Variants in ARHGAP15 observed in about 807,000 individuals in gnomAD.
The protein encoded by ARHGAP15 is rho GTPase-activating protein 15.
Under a neutral mutation model 63.7 loss-of-function variants are expected in ARHGAP15, and 51 were observed. The ratio of observed to expected loss-of-function variants is 0.80; its 90% confidence interval spans 0.64 to 1.01. The LOEUF (loss-of-function observed/expected upper bound fraction) is 1.01, where lower values mean the gene tolerates loss of function less well. Among genes scored for constraint, ARHGAP15 ranks in the 50% least tolerant of loss-of-function variants. The probability of loss-of-function intolerance (pLI) is 0.00; values close to 1 mark genes in which losing one functional copy is unlikely to be tolerated. For missense variants in ARHGAP15, 560 were observed against 564.6 expected, an observed-to-expected ratio of 0.99 and a Z score of 0.08; for synonymous variants, 191 against 193.8, an observed-to-expected ratio of 0.99 and a Z score of 0.12.
Position 143,317,785 on chromosome 2 carries a change from C to T in ARHGAP15, c.474+67185C>T, listed in dbSNP as rs536522793. 1.8e-4 allele frequency among the ~76,000 whole-genome samples: 27 copies of T among 152,186 alleles called. 1 individual carries two copies. Among genetic ancestry groups the T allele is most frequent in the African/African-American group, 6.0e-4 (25 of 41,520 alleles). ...CAGGATGGACTGGATTAAGAGGCTGCAAAGACAGATAACTGGTTAGGAGAT... is the reference window on the plus strand; with the variant it reads ...CAGGATGGACTGGATTAAGAGGCTGTAAAGACAGATAACTGGTTAGGAGAT... On this transcript the variant is annotated intron_variant, in intron 6 of 13. Coordinates refer to ENST00000295095, the MANE Select transcript of ARHGAP15 (RefSeq NM_018460.4).
intron 12 of ARHGAP15, chr2:143,676,395 C>T (rs1467892325): frequency 2.0e-5 from 3 of 152,216 alleles, no homozygotes; most frequent in Admixed American, 6.6e-5. Context: ...CACAAGCAAC[C>T]TAGCTTTTGG....
intron 6 of ARHGAP15, among the ~76,000 whole-genome samples, chr2:143,282,002 A>T (rs923062708): frequency 2.6e-5 from 4 of 152,144 alleles, no homozygotes. Context: ...GTTACCATCT[A>T]CAGTACTCAT....
At chr2:143,278,344 G>A (rs1681668971) in intron 6 of ARHGAP15, among the ~76,000 whole-genome samples, 1 of 152,120 alleles carries the variant, frequency 6.6e-6, no homozygotes, top group Non-Finnish European at 1.5e-5. Context: ...CTTGTGTCTT[G>A]CTGGACTAGA....
intron 8 of ARHGAP15, among the ~76,000 whole-genome samples, chr2:143,457,326 G>A (rs1357306443): frequency 1.3e-5 from 2 of 152,022 alleles, no homozygotes; most frequent in East Asian, 3.9e-4. Flanking sequence ...ATCACTTGAG[G>A]CCAAAAGTTA....
intron 2 of ARHGAP15, among the ~76,000 whole-genome samples, chr2:143,198,048 G>C (rs916390295): frequency 6.6e-6 from 1 of 151,490 alleles, no homozygotes; most frequent in Non-Finnish European, 1.5e-5. Flanking sequence ...CTTATTCCTA[G>C]ATCTAGGTTA....
intron 13 of ARHGAP15, among the ~76,000 whole-genome samples, chr2:143,754,868 C>G (rs767780870): frequency 3.9e-5 from 6 of 152,212 alleles, no homozygotes; most frequent in Non-Finnish European, 7.3e-5. Context: ...GGCACTTAGG[C>G]TTTTGAAACT....
intron 13 of ARHGAP15, among the ~76,000 whole-genome samples, chr2:143,730,576 C>T (rs369378910): frequency 2.0e-5 from 3 of 152,074 alleles, no homozygotes; most frequent in East Asian, 1.9e-4. Flanking sequence ...GGCCTCATCT[C>T]GAAACCCACC....
intron 11 of ARHGAP15, among the ~76,000 whole-genome samples, chr2:143,571,409 T>C (rs1696448699): frequency 6.6e-6 from 1 of 152,206 alleles, no homozygotes; most frequent in Non-Finnish European, 1.5e-5. Context: ...GTAAGAAAGC[T>C]ACCCACTTTA....
chr2:143,441,055 G>A (rs935374135), intron 8 of ARHGAP15, among the ~76,000 whole-genome samples: 15 of 152,056 alleles, frequency 9.9e-5, no homozygotes, highest in Admixed American at 9.8e-4. Context: ...TTTGAAATTA[G>A]ACATGTAAAT....
chr2:143,417,849 CATA>C (rs1688752186), intron 6 of ARHGAP15, among the ~76,000 whole-genome samples: 1 of 152,122 alleles, frequency 6.6e-6, no homozygotes, highest in Non-Finnish European at 1.5e-5. Flanking sequence ...ATCCAAATGT[CATA>C]ATATTACATG....
chr2:143,317,345 A>G (rs1683767932), intron 6 of ARHGAP15, among the ~76,000 whole-genome samples: 1 of 152,222 alleles, frequency 6.6e-6, no homozygotes, highest in Non-Finnish European at 1.5e-5. Flanking sequence ...AACACCTAAT[A>G]TATGTCACTA....
intron 9 of ARHGAP15, among the ~76,000 whole-genome samples, chr2:143,507,268 C>T (rs1056516579): frequency 2.6e-5 from 4 of 152,090 alleles, no homozygotes; most frequent in African/African-American, 9.7e-5. Flanking sequence ...TAATATCTTT[C>T]AACTGGATTA....
At chr2:143,207,435 T>C (rs747743121) in intron 3 of ARHGAP15, among the ~76,000 whole-genome samples, 5 of 151,658 alleles carry the variant, frequency 3.3e-5, no homozygotes, top group African/African-American at 4.8e-5. Flanking sequence ...CCCGAATATT[T>C]TTCTGTTTTC....
intron 8 of ARHGAP15, among the ~76,000 whole-genome samples, chr2:143,473,306 C>T (rs1049440007): frequency 3.3e-5 from 5 of 152,296 alleles, no homozygotes; most frequent in South Asian, 4.1e-4. Context: ...AGCACTTGTT[C>T]GTGTTTTCAC....
At chr2:143,411,442 T>G (rs944190716) in intron 6 of ARHGAP15, among the ~76,000 whole-genome samples, 1 of 152,206 alleles carries the variant, frequency 6.6e-6, no homozygotes, top group African/African-American at 2.4e-5. Context: ...AAACAAAGTT[T>G]ACATCATTGT....
At chr2:143,264,718 C>T (rs760371751) in intron 6 of ARHGAP15, among the ~76,000 whole-genome samples, 51 of 152,110 alleles carry the variant, frequency 3.4e-4, no homozygotes, top group South Asian at 1.2e-3. Context: ...TGTTACAGAG[C>T]AATAGCTAAT....
chr2:143,713,202 G>A (rs952683562), intron 13 of ARHGAP15, among the ~76,000 whole-genome samples: 2 of 152,154 alleles, frequency 1.3e-5, no homozygotes, highest in African/African-American at 4.8e-5. Flanking sequence ...CTGAGGTGGA[G>A]AGACCTCAGA....
At chr2:143,257,459 T>G (rs1440719452) in intron 6 of ARHGAP15, among the ~76,000 whole-genome samples, 1 of 152,124 alleles carries the variant, frequency 6.6e-6, no homozygotes, top group Admixed American at 6.6e-5. Context: ...GACAACTGGA[T>G]AGCTCACTTC....
chr2:143,509,658 T>C (rs931637306), intron 9 of ARHGAP15, among the ~76,000 whole-genome samples: 2 of 152,136 alleles, frequency 1.3e-5, no homozygotes, highest in Admixed American at 1.3e-4. Context: ...TTACATGACA[T>C]GGGGCTCATG....
Sources: gnomAD v4.1 joint callset for allele counts (sites outside exome capture counted in the v4.1 genomes callset) on GRCh38, gnomAD v4.1.1 for gene constraint, MANE v1.5 for transcripts, NCBI Gene and HGNC (gene_info 2026-07-23, HGNC 2026-07-21) for gene names.